KAZN: variants seen among roughly 807,000 people sequenced by gnomAD.
The protein encoded by KAZN is kazrin.
KAZN carries 40 observed loss-of-function variants against 87.4 expected under a neutral mutation model. The observed-to-expected ratio is 0.46, with a 90% confidence interval of 0.36 to 0.60. The LOEUF (loss-of-function observed/expected upper bound fraction) is 0.60. Ranked by LOEUF, KAZN falls within the 20% of genes least tolerant of loss-of-function variation. The pLI is 0.00. For synonymous variants in KAZN, 466 were observed against 458.3 expected (o/e 1.02, Z -0.22); for missense variants, 898 against 1,073.9 (o/e 0.84, Z 2.29).
intron 8 of KAZN, among the ~76,000 whole-genome samples, chr1:15,069,563 C>T (rs1436094357): frequency 6.6e-6 from 1 of 152,192 alleles, no homozygotes; most frequent in Non-Finnish European, 1.5e-5. Flanking sequence ...GGAGTTGGAG[C>T]TTGCAGTGAG....
At chr1:14,533,597 A>T (rs1672328190) in intron 2 of KAZN, among the ~76,000 whole-genome samples, 1 of 152,122 alleles carries the variant, frequency 6.6e-6, no homozygotes, top group African/African-American at 2.4e-5. Context: ...CCCATAATAA[A>T]TTTTATCTGG....
chr1:14,476,422 A>T (rs1252276016), intron 2 of KAZN, among the ~76,000 whole-genome samples: 8 of 152,192 alleles, frequency 5.3e-5, no homozygotes, highest in African/African-American at 1.9e-4. Context: ...ATGGCATGTC[A>T]CAGAACAGAA....
intron 1 of KAZN, among the ~76,000 whole-genome samples, chr1:14,618,422 T>C (rs988959538): frequency 6.6e-6 from 1 of 152,164 alleles, no homozygotes; most frequent in Non-Finnish European, 1.5e-5. Context: ...ACCTGCCCCA[T>C]GGCTGGCCCC....
chr1:14,941,263 C>T (rs1661042660), intron 1 of KAZN, among the ~76,000 whole-genome samples: 1 of 152,154 alleles, frequency 6.6e-6, no homozygotes, highest in Admixed American at 6.5e-5. Flanking sequence ...CACCCCAGTG[C>T]CATCAGGTCA....
chr1:13,939,244 C>T (rs1026799096), intron 1 of KAZN, among the ~76,000 whole-genome samples: 5 of 152,174 alleles, frequency 3.3e-5, no homozygotes, highest in African/African-American at 1.2e-4. Context: ...AAAATTCTAG[C>T]TTTAAGCAAT....
chr1:14,463,303 G>A (rs1285842817), intron 2 of KAZN, among the ~76,000 whole-genome samples: 1 of 152,130 alleles, frequency 6.6e-6, no homozygotes, highest in Non-Finnish European at 1.5e-5. Context: ...TTTGCCATCT[G>A]CTGGCTTCTT....
At chr1:15,110,046 T>C (rs1380420959) in intron 13 of KAZN, among the ~76,000 whole-genome samples, 1 of 128,394 alleles carries the variant, frequency 7.8e-6, no homozygotes, top group African/African-American at 3.1e-5. Flanking sequence ...TGTGTGTATA[T>C]ATATATGTGC....
chr1:14,955,086 G>C (rs1262445453), intron 1 of KAZN, among the ~76,000 whole-genome samples: 1 of 152,166 alleles, frequency 6.6e-6, no homozygotes, highest in African/African-American at 2.4e-5. Context: ...CCCTCTAAGG[G>C]AACCCATGTT....
At chr1:14,142,897 A>G (rs1349062624) in intron 1 of KAZN, among the ~76,000 whole-genome samples, 2 of 152,156 alleles carry the variant, frequency 1.3e-5, no homozygotes, top group Non-Finnish European at 2.9e-5. Context: ...CCTTGGTGAG[A>G]TGGGCCCAAC....
At chr1:14,071,362 C>G (rs1040326937) in intron 1 of KAZN, among the ~76,000 whole-genome samples, 1 of 152,132 alleles carries the variant, frequency 6.6e-6, no homozygotes, top group East Asian at 1.9e-4. Context: ...GCTGAAGGAA[C>G]AGAGGATTCT....
rs560524387 is a variant in KAZN at position 14,062,023 on chromosome 1, G to A, written c.92-118412G>A. 7.1e-4 allele frequency among the ~76,000 whole-genome samples: 108 copies of A among 152,292 alleles called. 1 individual carries two copies. The highest frequency in any genetic ancestry group is 1.4e-3 in the Non-Finnish European group (96 of 68,032). On this transcript the variant is annotated intron_variant, in intron 1 of 16. Coordinates refer to the KAZN transcript ENST00000636203. ...GTGGTAATGGAGTTACTCTGCAAAA[G>A]TACCTTATTCTTGGAAAGCACAGCA...
chr1:14,834,553 G>A (rs1334108835), intron 1 of KAZN, among the ~76,000 whole-genome samples: 2 of 151,496 alleles, frequency 1.3e-5, no homozygotes, highest in Non-Finnish European at 2.9e-5. Flanking sequence ...AGTAGAGACG[G>A]GGTTTCACCG....
In KAZN at chr1:14,823,357, G is replaced by T. The variant is rs1464142637; in HGVS notation, c.227-137327G>T. Among the ~76,000 whole-genome samples the T allele has an allele frequency of 2.0e-5, 3 of 152,152 alleles. No individual in the cohort carries two copies. The South Asian group carries it at 6.2e-4, about 32-fold the overall frequency. ...GTTTCCAGAGGAAGGAAGTTGTTGG[G>T]AAGCCCAGGAGATACCCCAGTGTGG... On this transcript the variant is annotated intron_variant, in intron 1 of 14. Coordinates refer to ENST00000376030, the MANE Select transcript of KAZN (RefSeq NM_201628.3).
At position 14,942,457 on chromosome 1, in the gene KAZN, G is replaced by T. The variant is rs559710269; in HGVS notation, c.227-18227G>T. Among the ~76,000 whole-genome samples the T allele has an allele frequency of 5.3e-5, 8 of 152,308 alleles. No individual in the cohort carries two copies. In the East Asian group the frequency reaches 1.5e-3, roughly 29 times the overall value. Reference sequence around the variant, plus strand: ...TAGATGAAAGAAACGCTTCCGACCCGCTCCAAACGTTAACACGCAGTGTTT... The same window carrying T: ...TAGATGAAAGAAACGCTTCCGACCCTCTCCAAACGTTAACACGCAGTGTTT... On this transcript the variant is annotated intron_variant, in intron 1 of 14. Transcript: ENST00000376030.
At chr1:14,506,379 T>C (rs1307597319) in intron 2 of KAZN, among the ~76,000 whole-genome samples, 1 of 152,238 alleles carries the variant, frequency 6.6e-6, no homozygotes, top group Non-Finnish European at 1.5e-5. Flanking sequence ...CATACGATGC[T>C]ATTACTATAC....
chr1:14,459,935 C>T (rs1426190315), intron 2 of KAZN, among the ~76,000 whole-genome samples: 2 of 152,108 alleles, frequency 1.3e-5, no homozygotes, highest in African/African-American at 2.4e-5. Context: ...CCCATGGAAA[C>T]CAAAGCCCCC....
intron 2 of KAZN, among the ~76,000 whole-genome samples, chr1:14,509,855 C>T (rs1272669909): frequency 2.6e-5 from 4 of 152,124 alleles, no homozygotes; most frequent in Admixed American, 2.6e-4. Flanking sequence ...CAGGAAAGGC[C>T]TTTCTGAGGA....
At chr1:14,642,609 G>A (rs982894686) in intron 1 of KAZN, among the ~76,000 whole-genome samples, 2 of 152,094 alleles carry the variant, frequency 1.3e-5, no homozygotes, top group Non-Finnish European at 2.9e-5. Flanking sequence ...GGAGAAATAA[G>A]TTCTAGTGTT....
intron 8 of KAZN, among the ~76,000 whole-genome samples, chr1:15,089,707 G>A (rs1218736185): frequency 2.2e-5 from 3 of 137,192 alleles, no homozygotes; most frequent in South Asian, 2.3e-4. Flanking sequence ...CTGGAGAGGG[G>A]ACAGCAAAGG....
Sources: gnomAD v4.1 joint callset for allele counts (sites outside exome capture counted in the v4.1 genomes callset) on GRCh38, gnomAD v4.1.1 for gene constraint, MANE v1.5 for transcripts, NCBI Gene and HGNC (gene_info 2026-07-23, HGNC 2026-07-21) for gene names.